FAM81B: variants seen among roughly 807,000 people sequenced by gnomAD.
FAM81B encodes protein FAM81B.
Under a neutral mutation model 58.7 loss-of-function variants are expected in FAM81B, and 60 were observed. The observed-to-expected ratio is 1.02, with a 90% CI of 0.83 to 1.27. FAM81B has a LOEUF of 1.27. FAM81B is among the 50% of genes most tolerant of loss of function. The probability of loss-of-function intolerance (pLI) is 0.00; values close to 1 mark genes in which losing one functional copy is unlikely to be tolerated. For synonymous variants in FAM81B, 189 were observed against 179.6 expected, an observed-to-expected ratio of 1.05 and a Z score of -0.42; for missense variants, 491 against 522.0, an observed-to-expected ratio of 0.94 and a Z score of 0.58.
intron 6 of FAM81B, among the ~76,000 whole-genome samples, chr5:95,432,854 C>T (rs1229152042): frequency 6.6e-6 from 1 of 151,590 alleles, no homozygotes; most frequent in African/African-American, 2.4e-5. Flanking sequence ...TTATTTTCTG[C>T]TTCTATTGTC....
intron 3 of FAM81B, among the ~76,000 whole-genome samples, chr5:95,404,598 A>G (rs1228547166): frequency 6.6e-6 from 1 of 151,862 alleles, no homozygotes; most frequent in Non-Finnish European, 1.5e-5. Flanking sequence ...ACAAGCTGTG[A>G]CTTTATGGAG....
chr5:95,428,367 A>G (rs1762906347), intron 5 of FAM81B, among the ~76,000 whole-genome samples: 1 of 152,198 alleles, frequency 6.6e-6, no homozygotes, highest in Non-Finnish European at 1.5e-5. Context: ...ATCCCCATGT[A>G]AACTATTTCA....
chr5:95,436,622 C>T (rs1233576721), intron 6 of FAM81B, among the ~76,000 whole-genome samples, 178 bp from the exon 7 acceptor site: 1 of 152,194 alleles, frequency 6.6e-6, no homozygotes, highest in Non-Finnish European at 1.5e-5. Context: ...CTGTAATACT[C>T]ATTTGAACAC....
At position 95,407,012 on chromosome 5, in the gene FAM81B, C is replaced by T. The variant is rs73778814; in HGVS notation, c.294-6935C>T. 1.7e-3 allele frequency among the ~76,000 whole-genome samples: 260 copies of T among 152,158 alleles called. 3 individuals carry two copies. Among genetic ancestry groups the T allele is most frequent in the African/African-American group, 5.4e-3 (224 of 41,486 alleles). On this transcript the variant is annotated intron_variant, in intron 3 of 9. Coordinates refer to ENST00000283357, the MANE Select transcript of FAM81B (RefSeq NM_152548.3). ...AGTCCTCTGAAGACCCAGCCAGAGC[C>T]AAGTAGAGGTGTGCTGGCTCTGCAG...
chr5:95,441,372 C>A (rs934303171), intron 7 of FAM81B, among the ~76,000 whole-genome samples: 4 of 151,998 alleles, frequency 2.6e-5, no homozygotes, highest in Non-Finnish European at 4.4e-5. Flanking sequence ...AGATGGAGAC[C>A]ATCCTGGCCA....
At chr5:95,418,970 A>T (rs1367060618) in intron 4 of FAM81B, among the ~76,000 whole-genome samples, 3 of 152,060 alleles carry the variant, frequency 2.0e-5, no homozygotes, top group Non-Finnish European at 4.4e-5. Flanking sequence ...CCTTTCCTAC[A>T]CTTACCAAGG....
intron 3 of FAM81B, among the ~76,000 whole-genome samples, chr5:95,399,040 AT>A (rs1373089333): frequency 6.6e-6 from 1 of 152,008 alleles, no homozygotes; most frequent in Non-Finnish European, 1.5e-5. Flanking sequence ...GGAACTGAGG[AT>A]TTTTACTGAG....
At chr5:95,450,110 G>A in intron 9 of FAM81B, 39 bp from the exon 10 acceptor site, 1 of 1,560,298 alleles carries the variant, frequency 6.4e-7, no homozygotes, top group Non-Finnish European at 8.6e-7. Context: ...AAGCTCTAAT[G>A]CATTGTTTAA....
At position 95,413,888 on chromosome 5, in the gene FAM81B, T is replaced by C. The variant is rs1281090398; in HGVS notation, c.294-59T>C. The C allele has an allele frequency of 2.6e-6, 4 of 1,539,254 alleles. No individual in the cohort carries two copies. In the African/African-American group the frequency reaches 4.2e-5, roughly 16 times the overall value. The stretch of plus-strand genomic sequence containing the variant: ...AAGTGAGGATTCTAGTTCTGGTTCC[T>C]GGCTCCTCCAGCTCATTCTTGTAAT... On this transcript the variant is annotated intron_variant, in intron 3 of 9. Coordinates refer to ENST00000283357, the MANE Select transcript of FAM81B (RefSeq NM_152548.3).
intron 6 of FAM81B, among the ~76,000 whole-genome samples, chr5:95,430,647 T>C (rs773321847): frequency 6.6e-6 from 1 of 152,096 alleles, no homozygotes; most frequent in Non-Finnish European, 1.5e-5. Context: ...TGTCATTTTG[T>C]ATGCGTATAG....
At chr5:95,430,679 C>G (rs762921506) in intron 6 of FAM81B, among the ~76,000 whole-genome samples, 1 of 151,884 alleles carries the variant, frequency 6.6e-6, no homozygotes, top group East Asian at 1.9e-4. Flanking sequence ...GAATAAATAT[C>G]CAGAAGTGGG....
chr5:95,426,799 A>G (rs1446870028), intron 5 of FAM81B, among the ~76,000 whole-genome samples: 1 of 152,222 alleles, frequency 6.6e-6, no homozygotes, highest in Non-Finnish European at 1.5e-5. Context: ...CTGTAATCCC[A>G]GCACTTTGGG....
At chr5:95,422,726 T>C (rs1245864395) in intron 5 of FAM81B, among the ~76,000 whole-genome samples, 2 of 152,126 alleles carry the variant, frequency 1.3e-5, no homozygotes, top group African/African-American at 4.8e-5. Flanking sequence ...CAACTATTTC[T>C]TTCTGCAAAC....
rs914714226 is a variant in FAM81B at position 95,407,410 on chromosome 5, G to GCA, written c.294-6527_294-6526dup. Among the ~76,000 whole-genome samples, 7 of 122,654 alleles carry GCA rather than the reference G, an allele frequency of 5.7e-5. 1 individual carries two copies. The highest frequency in any genetic ancestry group is 2.2e-4 in the East Asian group (1 of 4,458). The allele number at this position is 122,654 out of a possible 152,430, so 80.5% of individuals were successfully genotyped here. A position where few individuals can be genotyped will look rare whatever the true frequency, so the allele number is the denominator to read the frequency against. ...CTCTTTTACACACACACACACACACGCACACACACACGCGTGCGCGCACAC... is the reference window on the plus strand; with the variant it reads ...CTCTTTTACACACACACACACACACGCACACACACACACGCGTGCGCGCACAC... On this transcript the variant is annotated intron_variant, in intron 3 of 9. Coordinates refer to ENST00000283357, the MANE Select transcript of FAM81B (RefSeq NM_152548.3).
At chr5:95,411,505 T>TA (rs1216343911) in intron 3 of FAM81B, among the ~76,000 whole-genome samples, 1 of 152,194 alleles carries the variant, frequency 6.6e-6, no homozygotes, top group Non-Finnish European at 1.5e-5. Context: ...CATATGGGTA[T>TA]AATGTTATAA....
intron 5 of FAM81B, among the ~76,000 whole-genome samples, chr5:95,422,845 C>T (rs528562615): frequency 1.5e-4 from 23 of 152,164 alleles, no homozygotes; most frequent in Non-Finnish European, 2.9e-4. Flanking sequence ...CATCAAGATA[C>T]GCAATTCTTT....
At chr5:95,402,770 C>A (rs965259977) in intron 3 of FAM81B, among the ~76,000 whole-genome samples, 1 of 152,220 alleles carries the variant, frequency 6.6e-6, no homozygotes, top group Non-Finnish European at 1.5e-5. Context: ...AAGAGTGAGG[C>A]CCTGGGACCC....
At chr5:95,395,283 C>CA (rs528971894) in intron 2 of FAM81B, among the ~76,000 whole-genome samples, 24 of 150,798 alleles carry the variant, frequency 1.6e-4, no homozygotes, top group Non-Finnish European at 2.8e-4. Context: ...ACTAAAAATA[C>CA]AAAAAAAAAT....
At chr5:95,427,841 C>T (rs938413039) in intron 5 of FAM81B, among the ~76,000 whole-genome samples, 21 of 152,082 alleles carry the variant, frequency 1.4e-4, no homozygotes, top group African/African-American at 5.1e-4. Context: ...CCTGCTGTCC[C>T]CCAAGAGAGT....
Sources: allele counts gnomAD v4.1 joint callset (sites outside exome capture counted in the v4.1 genomes callset), GRCh38; gene constraint gnomAD v4.1.1; transcripts MANE v1.5; gene names NCBI Gene and HGNC (gene_info 2026-07-23, HGNC 2026-07-21).